ASCC3: variants seen among roughly 807,000 people sequenced by gnomAD.
ASCC3 encodes activating signal cointegrator 1 complex subunit 3.
Under a neutral mutation model 256.3 loss-of-function variants are expected in ASCC3, and 158 were observed. That is an observed-to-expected ratio of 0.62 (90% CI 0.54 to 0.70). ASCC3 has a LOEUF of 0.70. ASCC3 is among the 30% of genes least tolerant of loss of function. The pLI is 0.00. For synonymous variants in ASCC3, 948 were observed against 883.4 expected (o/e 1.07, Z -1.30); for missense variants, 2,259 against 2,626.0 (o/e 0.86, Z 3.05).
chr6:100,666,576 T>C (rs1219255222), intron 14 of ASCC3, among the ~76,000 whole-genome samples: 2 of 152,168 alleles, frequency 1.3e-5, no homozygotes, highest in Non-Finnish European at 2.9e-5. Context: ...TCCTTAACAG[T>C]TAATGATGTT....
At chr6:100,817,573 T>C (rs1459950545) in intron 4 of ASCC3, among the ~76,000 whole-genome samples, 1 of 151,454 alleles carries the variant, frequency 6.6e-6, no homozygotes, top group Non-Finnish European at 1.5e-5. Flanking sequence ...ATTAGTAGGA[T>C]CATATATAAG....
At chr6:100,859,273 A>C (rs1773109737) in intron 3 of ASCC3, 2 of 776,840 alleles carry the variant, frequency 2.6e-6, no homozygotes, top group Non-Finnish European at 4.8e-6. Context: ...TCTTGGCCCC[A>C]AAAATCTTCA....
chr6:100,612,329 C>A (rs1347373744), intron 30 of ASCC3, among the ~76,000 whole-genome samples: 1 of 151,964 alleles, frequency 6.6e-6, no homozygotes, highest in East Asian at 1.9e-4. Flanking sequence ...GATTGTGCAG[C>A]CCAATTCTGT....
At chr6:100,879,322 C>G (rs1447013317) in intron 1 of ASCC3, among the ~76,000 whole-genome samples, 2 of 152,106 alleles carry the variant, frequency 1.3e-5, no homozygotes, top group Admixed American at 1.3e-4. Flanking sequence ...TGATTAAACC[C>G]TTTGGCCACT....
chr6:100,773,890 T>C lies in ASCC3; in HGVS notation c.1396-6545A>G, dbSNP rs567134217. 1.1e-3 allele frequency among the ~76,000 whole-genome samples: 165 copies of C among 152,306 alleles called. 1 individual carries two copies. Among genetic ancestry groups the C allele is most frequent in the Non-Finnish European group, 1.8e-3 (124 of 68,018 alleles). On this transcript the variant is annotated intron_variant, in intron 8 of 41. Transcript: ENST00000369162. ...TACTAAATTGAATCTAGCCAAAATA[T>C]GTAGCATTTTAGCAAAAGCCCTATA... is the stretch of plus-strand genomic sequence containing the variant.
At chr6:100,610,148 T>C (rs1773321538) in intron 30 of ASCC3, among the ~76,000 whole-genome samples, 1 of 152,270 alleles carries the variant, frequency 6.6e-6, no homozygotes, top group Admixed American at 6.5e-5. Context: ...AACTTGGAAA[T>C]AGTAAATGCA....
chr6:100,538,813 T>C (rs1425702015), intron 37 of ASCC3, among the ~76,000 whole-genome samples: 1 of 152,082 alleles, frequency 6.6e-6, no homozygotes, highest in Non-Finnish European at 1.5e-5. Context: ...TAACTTACTC[T>C]ACCTTTAAAG....
Position 100,647,446 on chromosome 6 carries a change from T to A in ASCC3, c.3258A>T (p.Ala1086=), listed in dbSNP as rs1408673198. The A allele has an allele frequency of 6.2e-7, 1 of 1,613,454 alleles. No homozygotes were observed. Among genetic ancestry groups the A allele is most frequent in the Non-Finnish European group, 8.5e-7 (1 of 1,179,534 alleles). ...ISDSAYVAQN[A]ARIVRALFEI... is the part of the protein sequence containing the mutation. Reference sequence around the variant, plus strand: ...CAAAAAGAGCACGGACAATTCTAGCTGCATTCTAAAAAATTATAGGAGGAG... The same window carrying A: ...CAAAAAGAGCACGGACAATTCTAGCAGCATTCTAAAAAATTATAGGAGGAG... Residue 1086 remains alanine, a synonymous_variant, in exon 21 of 42, where the codon GCA becomes GCT. Coordinates refer to ENST00000369162, the MANE Select transcript of ASCC3 (RefSeq NM_006828.4).
chr6:100,760,977 G>A (rs1018907357), intron 10 of ASCC3, among the ~76,000 whole-genome samples: 2 of 152,116 alleles, frequency 1.3e-5, no homozygotes, highest in Non-Finnish European at 2.9e-5. Context: ...GATTCAAGAA[G>A]CTGAGCAAAC....
chr6:100,638,480 G>C, intron 25 of ASCC3, 121 bp downstream of exon 25: 3 of 814,388 alleles, frequency 3.7e-6, no homozygotes, highest in Middle Eastern at 3.7e-4. Context: ...GGTCCCCTGG[G>C]AAATTCACTG....
At chr6:100,583,763 G>A (rs533060298) in intron 36 of ASCC3, among the ~76,000 whole-genome samples, 221 of 152,154 alleles carry the variant, frequency 1.5e-3, no homozygotes, top group African/African-American at 5.0e-3. Context: ...CTTTGAATGT[G>A]TCCCAGAGAT....
At chr6:100,663,931 G>C (rs961843319) in intron 14 of ASCC3, among the ~76,000 whole-genome samples, 2 of 151,976 alleles carry the variant, frequency 1.3e-5, no homozygotes, top group African/African-American at 4.8e-5. Context: ...CATGGATAAG[G>C]GGGGACTACT....
chr6:100,610,012 C>T (rs1220371637), intron 30 of ASCC3, among the ~76,000 whole-genome samples: 2 of 152,104 alleles, frequency 1.3e-5, no homozygotes, highest in Non-Finnish European at 2.9e-5. Flanking sequence ...GAAGTTCTTT[C>T]CGGGAAACTC....
At chr6:100,704,195 T>C (rs1778476671) in intron 13 of ASCC3, among the ~76,000 whole-genome samples, 1 of 152,014 alleles carries the variant, frequency 6.6e-6, no homozygotes, top group Admixed American at 6.6e-5. Flanking sequence ...GAAATATTTC[T>C]TTAGTAGTAC....
chr6:100,611,867 A>T (rs963200062), intron 30 of ASCC3, among the ~76,000 whole-genome samples: 11 of 45,152 alleles, frequency 2.4e-4, no homozygotes, highest in Admixed American at 1.1e-3. Context: ...CTATAGAATT[A>T]AAAAAAAAAA....
intron 36 of ASCC3, among the ~76,000 whole-genome samples, chr6:100,567,298 AT>A (rs957168483): frequency 6.6e-6 from 1 of 151,806 alleles, no homozygotes; most frequent in African/African-American, 2.4e-5. Flanking sequence ...TTGTACCTTA[AT>A]TTTTTTTCCT....
intron 10 of ASCC3, among the ~76,000 whole-genome samples, chr6:100,762,871 T>C (rs1781479033): frequency 6.6e-6 from 1 of 152,122 alleles, no homozygotes; most frequent in East Asian, 1.9e-4. Context: ...GGCAGAAAAT[T>C]TGCAAATGAG....
chr6:100,729,104 C>G (rs530449312), intron 10 of ASCC3, among the ~76,000 whole-genome samples: 16 of 152,058 alleles, frequency 1.1e-4, no homozygotes, highest in Non-Finnish European at 2.4e-4. Context: ...GATGTCTGAA[C>G]AATCTCACTG....
chr6:100,558,283 A>G (rs1769726276), intron 36 of ASCC3, among the ~76,000 whole-genome samples: 1 of 152,084 alleles, frequency 6.6e-6, no homozygotes, highest in African/African-American at 2.4e-5. Context: ...TGTGTGCTAA[A>G]AGTTAAACCC....
Sources: allele counts gnomAD v4.1 joint callset (sites outside exome capture counted in the v4.1 genomes callset), GRCh38; gene constraint gnomAD v4.1.1; transcripts MANE v1.5; gene names NCBI Gene and HGNC (gene_info 2026-07-23, HGNC 2026-07-21).